The following CHRM3 variants were observed in gnomAD, a reference collection of about 807,000 sequenced individuals.
The protein encoded by CHRM3 is muscarinic acetylcholine receptor M3.
A neutral mutation model predicts 41.8 loss-of-function variants in CHRM3; 11 were observed. That is an observed-to-expected ratio of 0.26 (90% CI 0.17 to 0.44). The LOEUF (loss-of-function observed/expected upper bound fraction) is 0.44, where lower values mean the gene tolerates loss of function less well. Among genes scored for constraint, CHRM3 ranks in the 20% least tolerant of loss-of-function variants. The pLI is 1.00. For missense variants in CHRM3, 571 were observed against 745.4 expected (o/e 0.77, Z 2.72); for synonymous variants, 297 against 301.4 (o/e 0.99, Z 0.15).
intron 3 of CHRM3, among the ~76,000 whole-genome samples, chr1:239,572,721 G>A (rs1026592980): frequency 6.6e-6 from 1 of 152,146 alleles, no homozygotes; most frequent in African/African-American, 2.4e-5. Context: ...AAATAGTTAA[G>A]TAATAGTGAC....
chr1:239,834,678 C>A (rs1189516528), intron 6 of CHRM3, among the ~76,000 whole-genome samples: 1 of 152,144 alleles, frequency 6.6e-6, no homozygotes, highest in Non-Finnish European at 1.5e-5. Flanking sequence ...AGCTGTCTTT[C>A]TGAGTATTCA....
At position 239,543,442 on chromosome 1, in the gene CHRM3, C is replaced by G. The variant is rs117312836; in HGVS notation, c.-421-2199C>G. Among the ~76,000 whole-genome samples, 419 of 152,262 alleles carry G rather than the reference C, an allele frequency of 2.8e-3. 12 individuals are homozygous for G. In the East Asian group the frequency reaches 0.068, roughly 25 times the overall value. On this transcript the variant is annotated intron_variant, in intron 2 of 6. Coordinates refer to ENST00000676153, the MANE Select transcript of CHRM3 (RefSeq NM_001375978.1). Reference sequence around the variant, plus strand: ...AATCTGCCCTAAAGCACCCCTCTTCCTGTCATATAATCTCCTCCAAATCAA... The same window carrying G: ...AATCTGCCCTAAAGCACCCCTCTTCGTGTCATATAATCTCCTCCAAATCAA...
rs565825334 is a variant in CHRM3 at position 239,476,076 on chromosome 1, A to G, written c.-520-16633A>G. Among the ~76,000 whole-genome samples the G allele has an allele frequency of 4.5e-5, 5 of 111,632 alleles. No individual in the cohort carries two copies. The East Asian group carries it at 1.1e-3, about 26-fold the overall frequency. The allele number at this position is 111,632 out of a possible 152,430, so 73.2% of individuals were successfully genotyped here. A position where few individuals can be genotyped will look rare whatever the true frequency, so the allele number is the denominator to read the frequency against. ...AAAGCACAGTTACTTCTTTCTAGTTAGTTTTTTTTTTGTATCCTAATAAAC... is the reference window on the plus strand; with the variant it reads ...AAAGCACAGTTACTTCTTTCTAGTTGGTTTTTTTTTTGTATCCTAATAAAC... On this transcript the variant is annotated intron_variant, in intron 1 of 6. Coordinates refer to ENST00000676153, the MANE Select transcript of CHRM3 (RefSeq NM_001375978.1).
intron 3 of CHRM3, among the ~76,000 whole-genome samples, chr1:239,597,684 G>A (rs1287739806): frequency 1.3e-5 from 2 of 151,826 alleles, no homozygotes; most frequent in Admixed American, 1.3e-4. Context: ...ATACAAAAAT[G>A]CTGTAAATAT....
intron 3 of CHRM3, among the ~76,000 whole-genome samples, chr1:239,578,734 A>G (rs1008568234): frequency 6.6e-6 from 1 of 152,156 alleles, no homozygotes; most frequent in South Asian, 2.1e-4. Context: ...ACGAATGTCA[A>G]AATCACCTGA....
chr1:239,412,463 A>T (rs1048558120), intron 1 of CHRM3, among the ~76,000 whole-genome samples: 1 of 145,332 alleles, frequency 6.9e-6, no homozygotes. Flanking sequence ...CCTTCACTCT[A>T]CTCATCCCCC....
intron 2 of CHRM3, among the ~76,000 whole-genome samples, chr1:239,499,032 A>G (rs1409603572): frequency 1.3e-5 from 2 of 152,158 alleles, no homozygotes; most frequent in African/African-American, 4.8e-5. Flanking sequence ...GTGTTGAGCA[A>G]TGTGGAAGAT....
intron 1 of CHRM3, among the ~76,000 whole-genome samples, chr1:239,424,491 C>T (rs1392354327): frequency 6.6e-6 from 1 of 152,186 alleles, no homozygotes; most frequent in Non-Finnish European, 1.5e-5. Context: ...TCAACAAACA[C>T]TTGAATGTGC....
At chr1:239,566,133 C>G (rs1661343867) in intron 3 of CHRM3, among the ~76,000 whole-genome samples, 1 of 151,778 alleles carries the variant, frequency 6.6e-6, no homozygotes, top group African/African-American at 2.4e-5. Flanking sequence ...AGGCTGGTTT[C>G]AAACTCCTAG....
intron 4 of CHRM3, among the ~76,000 whole-genome samples, chr1:239,664,160 T>C (rs1673531558): frequency 6.6e-6 from 1 of 152,218 alleles, no homozygotes; most frequent in Admixed American, 6.5e-5. Flanking sequence ...TATTCATTCA[T>C]CCAAGAATCC....
intron 1 of CHRM3, among the ~76,000 whole-genome samples, chr1:239,405,140 A>G (rs1660494723): frequency 6.6e-6 from 1 of 152,168 alleles, no homozygotes; most frequent in South Asian, 2.1e-4. Context: ...CATACAACTA[A>G]TACTTTTTCA....
intron 4 of CHRM3, among the ~76,000 whole-genome samples, chr1:239,641,951 G>C (rs1172725702): frequency 1.6e-5 from 2 of 126,890 alleles, no homozygotes; most frequent in African/African-American, 6.3e-5. Context: ...GCTCTTTTAG[G>C]GCAGGCCTGG....
At chr1:239,441,388 T>G (rs925144463) in intron 1 of CHRM3, among the ~76,000 whole-genome samples, 1 of 152,236 alleles carries the variant, frequency 6.6e-6, no homozygotes, top group East Asian at 1.9e-4. Context: ...CTAAGATGTT[T>G]TAATATCTTT....
At chr1:239,502,715 A>G (rs908716213) in intron 2 of CHRM3, among the ~76,000 whole-genome samples, 1 of 152,222 alleles carries the variant, frequency 6.6e-6, no homozygotes, top group African/African-American at 2.4e-5. Context: ...ATCCAATAGC[A>G]TATCTAAAAG....
At chr1:239,719,142 T>C in intron 5 of CHRM3, 1 of 152,018 alleles carries the variant, frequency 6.6e-6, no homozygotes, top group Non-Finnish European at 1.5e-5. Flanking sequence ...AGAGTCTGAG[T>C]GTCCGGAAAT....
chr1:239,420,074 C>T (rs1406970960), intron 1 of CHRM3, among the ~76,000 whole-genome samples: 5 of 152,152 alleles, frequency 3.3e-5, no homozygotes, highest in Non-Finnish European at 7.3e-5. Flanking sequence ...CTAGCTCAGG[C>T]CTGTTTAGAA....
intron 6 of CHRM3, among the ~76,000 whole-genome samples, chr1:239,867,372 G>A (rs1292554748): frequency 6.6e-6 from 1 of 152,072 alleles, no homozygotes; most frequent in Admixed American, 6.5e-5. Flanking sequence ...CTAGGAATAG[G>A]GCATTTTCTA....
At chr1:239,873,275 G>A (rs1050892481) in intron 6 of CHRM3, among the ~76,000 whole-genome samples, 1 of 152,074 alleles carries the variant, frequency 6.6e-6, no homozygotes, top group Non-Finnish European at 1.5e-5. Context: ...GCTACAAAGT[G>A]GGAATAAACC....
intron 3 of CHRM3, among the ~76,000 whole-genome samples, chr1:239,608,654 A>T (rs1397148990): frequency 6.6e-6 from 1 of 152,200 alleles, no homozygotes; most frequent in African/African-American, 2.4e-5. Flanking sequence ...ATAGAATGAC[A>T]ATGGCGCTGC....
Sources: allele counts gnomAD v4.1 joint callset (sites outside exome capture counted in the v4.1 genomes callset), GRCh38; gene constraint gnomAD v4.1.1; transcripts MANE v1.5; gene names NCBI Gene and HGNC (gene_info 2026-07-23, HGNC 2026-07-21).